The following DPF1 variants were observed in gnomAD, a reference collection of about 807,000 sequenced individuals.
DPF1 encodes zinc finger protein neuro-d4.
A neutral mutation model predicts 58.7 loss-of-function variants in DPF1; 14 were observed. The observed-to-expected ratio is 0.24, with a 90% CI of 0.16 to 0.37. The LOEUF (loss-of-function observed/expected upper bound fraction) is 0.37. DPF1 is among the 10% of genes least tolerant of loss of function. The pLI, the probability that DPF1 is intolerant of heterozygous loss-of-function variation, is 1.00. For synonymous variants in DPF1, 216 were observed against 216.0 expected (o/e 1.00, Z 0.00); for missense variants, 345 against 529.9 (o/e 0.65, Z 3.43).
intron 3 of DPF1, among the ~76,000 whole-genome samples, chr19:38,220,947 C>T (rs958833812): frequency 2.0e-5 from 3 of 152,188 alleles, no homozygotes; most frequent in Admixed American, 6.5e-5. Context: ...CTGGCACACA[C>T]GTGCAGAAAT....
Position 38,211,965 on chromosome 19 carries a change from C to T in DPF1, c.*98G>A. 1 of 1,398,770 alleles carries T rather than the reference C, an allele frequency of 7.1e-7. No homozygotes were observed. The highest frequency in any genetic ancestry group is 9.9e-7 in the Non-Finnish European group (1 of 1,013,740). The allele number at this position is 1,398,770 out of a possible 1,614,324, so 86.6% of individuals were successfully genotyped here. ...GCCCCCTCTCGGCTTCCCCCTCTCC[C>T]CCTCCCCCTGCGGGATGTTCAGGGT... is the stretch of plus-strand genomic sequence containing the variant. On this transcript the variant is annotated 3_prime_UTR_variant, in exon 12 of 12. Transcript: ENST00000355526. The surrounding 1 kb of genome is among the most constrained non-coding windows in gnomAD (Gnocchi z 4.0).
chr19:38,217,777 C>T (rs779313294), intron 6 of DPF1, 21 bp downstream of exon 6: 3 of 1,613,764 alleles, frequency 1.9e-6, no homozygotes, highest in South Asian at 2.2e-5. Flanking sequence ...TCTGCCTTTC[C>T]CCCTCTTCAG....
chr19:38,212,373 G>C lies in DPF1; in HGVS notation c.1012-12C>G. ...AACAGCAGCTGGTCCTGGGGGGTGA[G>C]ACCCGCCCAGCTGGCACCCTGGGGG... On this transcript the variant is annotated splice_polypyrimidine_tract_variant and intron_variant, in intron 10 of 11. Transcript: ENST00000355526. 2 of 1,369,218 alleles carry C rather than the reference G, an allele frequency of 1.5e-6. No individual in the cohort carries two copies. Among genetic ancestry groups the C allele is most frequent in the Non-Finnish European group, 1.9e-6 (2 of 1,055,520 alleles). 84.8% of individuals were successfully genotyped at this position (1,369,218 alleles called of 1,614,324 possible). A position where few individuals can be genotyped will look rare whatever the true frequency, so the allele number is the denominator to read the frequency against.
chr19:38,212,524 G>C, intron 10 of DPF1, 163 bp from the exon 11 acceptor site: 1 of 508,926 alleles, frequency 2.0e-6, no homozygotes, highest in Non-Finnish European at 3.5e-6. Flanking sequence ...GCGCAACACT[G>C]CTTAGCCAAA....
At chr19:38,228,413 G>A, upstream of DPF1, among the ~76,000 whole-genome samples, 1 of 134,404 alleles carries the variant, frequency 7.4e-6, no homozygotes, top group East Asian at 2.4e-4. Flanking sequence ...CCCCACCCCC[G>A]CCCCCAGCCC....
intron 4 of DPF1, 45 bp from the exon 5 acceptor site, chr19:38,218,707 T>G (rs1230160315): frequency 6.2e-7 from 1 of 1,605,658 alleles, no homozygotes; most frequent in Admixed American, 1.7e-5. Context: ...TGGGGGCCAC[T>G]GACCTGCTTT....
upstream of DPF1, among the ~76,000 whole-genome samples, chr19:38,226,790 A>G (rs1466681412): frequency 6.6e-6 from 1 of 151,810 alleles, no homozygotes; most frequent in Non-Finnish European, 1.5e-5. Context: ...ATTAGCTCAC[A>G]GGTCCCGTAA....
At chr19:38,218,524 A>G in intron 5 of DPF1, 49 bp downstream of exon 5, 1 of 1,585,150 alleles carries the variant, frequency 6.3e-7, no homozygotes, top group Non-Finnish European at 8.7e-7. Context: ...TCCATGAATG[A>G]GACCTGTCAT....
intron 9 of DPF1, among the ~76,000 whole-genome samples, chr19:38,214,815 C>T (rs1034303946): frequency 2.0e-4 from 29 of 147,106 alleles, no homozygotes; most frequent in African/African-American, 6.5e-4. Flanking sequence ...TAATGGGGTG[C>T]GAAACTATGC....
At chr19:38,212,827 G>C (rs1193905573) in intron 10 of DPF1, among the ~76,000 whole-genome samples, 1 of 145,000 alleles carries the variant, frequency 6.9e-6, no homozygotes, top group Non-Finnish European at 1.5e-5. Flanking sequence ...TGTTGCCCAG[G>C]CTGGTCTGGT....
At chr19:38,212,156 A>G (rs1973481003) in intron 11 of DPF1, 23 bp from the exon 12 acceptor site, 2 of 1,604,398 alleles carry the variant, frequency 1.2e-6, no homozygotes, top group South Asian at 1.1e-5. Flanking sequence ...CCGAAGCTGA[A>G]GTCAGGCCCG....
intron 1 of DPF1, chr19:38,223,885 C>T: frequency 2.2e-6 from 1 of 460,996 alleles, no homozygotes; most frequent in Non-Finnish European, 3.6e-6. Flanking sequence ...CTCCCTTCCC[C>T]AAAAAGAATC....
At chr19:38,223,050 A>C in intron 1 of DPF1, 4 of 311,190 alleles carry the variant, frequency 1.3e-5, no homozygotes, top group East Asian at 1.2e-4. Flanking sequence ...AGAGAGACAA[A>C]TCCCAATACT....
upstream of DPF1, chr19:38,224,282 G>T: frequency 7.9e-7 from 1 of 1,262,698 alleles, no homozygotes; most frequent in Non-Finnish European, 1.0e-6. This position sits in a 1 kb window ranked among gnomAD's most constrained non-coding sequence, Gnocchi z 4.5. Flanking sequence ...CGACGGGGCG[G>T]GCCCGCCCGG....
At chr19:38,215,068 C>G (rs1966915388) in intron 9 of DPF1, among the ~76,000 whole-genome samples, 1 of 151,446 alleles carries the variant, frequency 6.6e-6, no homozygotes, top group Admixed American at 6.6e-5. Context: ...CTCTTGACCT[C>G]ATGATCTGCT....
chr19:38,229,453 ACTACGGTCCGCGCGCTGCGTCCCC>A lies in DPF1; in HGVS notation c.-132+82_-132+105del, dbSNP rs1398140962. 1.8e-6 allele frequency: 1 copy of A among 545,598 alleles called. No individual in the cohort carries two copies. The highest frequency in any genetic ancestry group is 2.3e-6 in the Non-Finnish European group (1 of 427,622). The allele number at this position is 545,598 out of a possible 1,614,324, so 33.8% of individuals were successfully genotyped here. On this transcript the variant is annotated intron_variant, in intron 1 of 11. Coordinates refer to the DPF1 transcript ENST00000412732. This position sits in a 1 kb window ranked among gnomAD's most constrained non-coding sequence, Gnocchi z 5.3. ...GGTTCGCGCTGGGGGCCCCCATTCA[ACTACGGTCCGCGCGCTGCGTCCCC>A]CTCCTCAGCCCCAGGGCGGGCGGGG...
At chr19:38,223,946 C>T (rs186726619) in intron 1 of DPF1, 168 bp downstream of exon 1, 57 of 917,686 alleles carry the variant, frequency 6.2e-5, no homozygotes, top group Admixed American at 4.3e-4. Context: ...CATCCGACAC[C>T]ATTCTTGTCA....
intron 11 of DPF1, 43 bp downstream of exon 11, chr19:38,212,237 T>TGGGGGGGGGGGGCCCCCCCCC: frequency 8.0e-7 from 1 of 1,256,816 alleles, no homozygotes; most frequent in Non-Finnish European, 1.1e-6. Context: ...GGAGATGGCG[T>TGGGGGGGGGGGGCCCCCCCCC]TCCCACCCAC....
At position 38,222,800 on chromosome 19, in the gene DPF1, G is replaced by T. The variant is rs1465486743; in HGVS notation, c.30-92C>A. On this transcript the variant is annotated intron_variant, in intron 1 of 11. Transcript: ENST00000355526. The surrounding 1 kb of genome is among the most constrained non-coding windows in gnomAD (Gnocchi z 4.9). ...CTTCCCCGGCTGCCGGGCCGCCCAGGCTCGGGAGGGGTGGGCCGACCCCTC... is the reference window on the plus strand; with the variant it reads ...CTTCCCCGGCTGCCGGGCCGCCCAGTCTCGGGAGGGGTGGGCCGACCCCTC... 2.8e-6 allele frequency: 4 copies of T among 1,415,562 alleles called. No homozygotes were observed. The East Asian group carries it at 8.5e-5, about 30-fold the overall frequency. The allele number at this position is 1,415,562 out of a possible 1,614,324, so 87.7% of individuals were successfully genotyped here. A position where few individuals can be genotyped will look rare whatever the true frequency, so the allele number is the denominator to read the frequency against.
Sources: allele counts gnomAD v4.1 joint callset (sites outside exome capture counted in the v4.1 genomes callset), GRCh38; gene constraint gnomAD v4.1.1; non-coding constraint Gnocchi (gnomAD v3.1); transcripts MANE v1.5; gene names NCBI Gene and HGNC (gene_info 2026-07-23, HGNC 2026-07-21).